The following HECW2 variants were observed in gnomAD, a reference collection of about 807,000 sequenced individuals.
The protein encoded by HECW2 is E3 ubiquitin-protein ligase HECW2.
Under a neutral mutation model 175.2 loss-of-function variants are expected in HECW2, and 61 were observed. The observed-to-expected ratio is 0.35, with a 90% confidence interval of 0.28 to 0.43. The LOEUF (loss-of-function observed/expected upper bound fraction) is 0.43. HECW2 is among the 20% of genes least tolerant of loss of function. HECW2 has a pLI of 1.00. For synonymous variants in HECW2, 671 were observed against 731.0 expected (o/e 0.92, Z 1.32); for missense variants, 1,524 against 2,000.5 (o/e 0.76, Z 4.54).
chr2:196,254,081 A>T (rs1344874899), intron 18 of HECW2, 52 bp from the exon 19 acceptor site: 1 of 1,605,150 alleles, frequency 6.2e-7, no homozygotes, highest in Non-Finnish European at 8.5e-7. Flanking sequence ...TAGTGGGGAA[A>T]AGCCTAAATC....
intron 24 of HECW2, 62 bp from the exon 25 acceptor site, chr2:196,221,003 ACT>A: frequency 1.9e-6 from 3 of 1,561,892 alleles, no homozygotes; most frequent in Non-Finnish European, 2.6e-6. Context: ...TAACAACATT[ACT>A]AGCATTGAGC....
intron 1 of HECW2, among the ~76,000 whole-genome samples, chr2:196,492,364 C>A (rs1264063858): frequency 1.3e-5 from 2 of 152,104 alleles, no homozygotes; most frequent in African/African-American, 4.8e-5. Context: ...CCTCCTGCCC[C>A]TCACTAAAAA....
intron 2 of HECW2, among the ~76,000 whole-genome samples, chr2:196,357,611 C>T (rs188478558): frequency 6.6e-5 from 10 of 152,292 alleles, no homozygotes; most frequent in African/African-American, 1.9e-4. Context: ...GGCTCTGTGT[C>T]CCTACCCAAA....
rs754361809 is a variant in HECW2 at position 196,318,799 on chromosome 2, C to T, written c.2091G>A (p.Ser697=). The change falls in exon 9 of 29, where the codon TCG becomes TCA. Residue 697 remains serine, a synonymous_variant. Transcript: ENST00000644978. ...AACCAGCAGTGCACACGGATTCCTG[C>T]GACCCTTCGGCAGGGCCACTGCTGG... ...EPTSSGPAEG[S]QESVCTAGSL... 3.8e-5 allele frequency: 58 copies of T among 1,527,278 alleles called. No homozygotes were observed. The highest frequency in any genetic ancestry group is 4.8e-5 in the Non-Finnish European group (55 of 1,136,224). The allele number at this position is 1,527,278 out of a possible 1,614,324, so 94.6% of individuals were successfully genotyped here.
intron 1 of HECW2, among the ~76,000 whole-genome samples, chr2:196,536,577 C>T (rs1261781890): frequency 5.3e-5 from 8 of 152,186 alleles, no homozygotes; most frequent in African/African-American, 1.9e-4. Flanking sequence ...AACTTTTGTT[C>T]CCGATAACCA....
At chr2:196,489,511 A>G (rs897252992) in intron 1 of HECW2, among the ~76,000 whole-genome samples, 1 of 152,192 alleles carries the variant, frequency 6.6e-6, no homozygotes, top group African/African-American at 2.4e-5. Flanking sequence ...AAAGTCCCAC[A>G]GGGTTAACAT....
At chr2:196,245,961 C>G (rs1339142985) in intron 19 of HECW2, among the ~76,000 whole-genome samples, 1 of 152,174 alleles carries the variant, frequency 6.6e-6, no homozygotes, top group African/African-American at 2.4e-5. Flanking sequence ...GGGACCCAGG[C>G]ATGAGTGTTA....
In HECW2 at chr2:196,319,787, G is replaced by C; in HGVS notation, c.1103C>G (p.Ser368Cys). 1 of 1,614,204 alleles carries C rather than the reference G, an allele frequency of 6.2e-7. No individual in the cohort carries two copies. The highest frequency in any genetic ancestry group is 1.1e-5 in the South Asian group (1 of 91,082). ...PGSHHDSQVC[S>C]NGPVSEDSAA... ...ACTGTCCTCAGAAACTGGCCCATTA[G>C]AGCACACCTGGCTGTCGTGATGGCT... Residue 368 changes from serine to cysteine, a missense_variant, in exon 9 of 29, where the codon TCT becomes TGT. By Grantham distance (112) the Ser-to-Cys change is moderately radical (BLOSUM62 -1). Transcript: ENST00000644978.
chr2:196,234,108 CTCAT>C (rs1240002578), intron 21 of HECW2, among the ~76,000 whole-genome samples: 1 of 152,194 alleles, frequency 6.6e-6, no homozygotes, highest in African/African-American at 2.4e-5. Flanking sequence ...ACATAATAAA[CTCAT>C]TCTTTCTTAA....
intron 2 of HECW2, among the ~76,000 whole-genome samples, chr2:196,395,797 C>T (rs1356141815): frequency 6.6e-6 from 1 of 151,690 alleles, no homozygotes; most frequent in East Asian, 1.9e-4. Context: ...TGAAATGGTG[C>T]AGCTGCTATG....
chr2:196,386,609 C>A (rs1260125569), intron 2 of HECW2, among the ~76,000 whole-genome samples: 1 of 152,158 alleles, frequency 6.6e-6, no homozygotes, highest in Non-Finnish European at 1.5e-5. Flanking sequence ...AGAAAAATAT[C>A]CTTGGCCTTC....
In HECW2 at chr2:196,396,443, C is replaced by T. The variant is rs183703822; in HGVS notation, c.292+36689G>A. 3.0e-4 allele frequency among the ~76,000 whole-genome samples: 46 copies of T among 152,250 alleles called. 1 individual carries two copies. In the Middle Eastern group the frequency reaches 0.014, roughly 45 times the overall value. On this transcript the variant is annotated intron_variant, in intron 2 of 28. Coordinates refer to ENST00000644978, the MANE Select transcript of HECW2 (RefSeq NM_001348768.2). The stretch of plus-strand genomic sequence containing the variant: ...TCACATAGAGAAAAGTTCACAAGTG[C>T]CATTTTTACAGATTCCCTGAACACC...
intron 19 of HECW2, among the ~76,000 whole-genome samples, chr2:196,248,792 C>T (rs557612399): frequency 6.6e-6 from 1 of 152,266 alleles, no homozygotes; most frequent in Non-Finnish European, 1.5e-5. Flanking sequence ...ATTAAGGGCA[C>T]ACAATGTGGT....
chr2:196,349,162 T>C (rs1401372928), intron 2 of HECW2, among the ~76,000 whole-genome samples: 2 of 152,180 alleles, frequency 1.3e-5, no homozygotes, highest in South Asian at 4.1e-4. Context: ...ACCTGTCAGC[T>C]TCCATGAGGC....
At chr2:196,544,163 C>T (rs185506916) in intron 1 of HECW2, among the ~76,000 whole-genome samples, 2 of 152,326 alleles carry the variant, frequency 1.3e-5, no homozygotes, top group Non-Finnish European at 2.9e-5. Context: ...GAAGAACTGA[C>T]ACAACTCCAC....
chr2:196,499,833 A>G (rs1687517491), intron 1 of HECW2, among the ~76,000 whole-genome samples: 1 of 152,194 alleles, frequency 6.6e-6, no homozygotes, highest in Non-Finnish European at 1.5e-5. Context: ...GTTCTTCCAG[A>G]AAGTTCTTTT....
chr2:196,235,962 G>A (rs111336483), intron 21 of HECW2, among the ~76,000 whole-genome samples: 4,537 of 152,020 alleles, frequency 0.03, 209 homozygotes, highest in African/African-American at 0.1. Context: ...CGGCCGATGC[G>A]TTATTCTTTA....
chr2:196,389,370 G>A (rs1694441404), intron 2 of HECW2, among the ~76,000 whole-genome samples: 1 of 152,180 alleles, frequency 6.6e-6, no homozygotes, highest in African/African-American at 2.4e-5. Context: ...GTTTTGAGGT[G>A]TTACTAGGAA....
intron 23 of HECW2, among the ~76,000 whole-genome samples, chr2:196,223,601 C>T (rs1169249611): frequency 1.3e-5 from 2 of 152,108 alleles, no homozygotes; most frequent in African/African-American, 2.4e-5. Flanking sequence ...AGGGAGCAGG[C>T]CTTAATATCA....
Sources: gnomAD v4.1 joint callset for allele counts (sites outside exome capture counted in the v4.1 genomes callset) on GRCh38, gnomAD v4.1.1 for gene constraint, MANE v1.5 for transcripts, NCBI Gene and HGNC (gene_info 2026-07-23, HGNC 2026-07-21) for gene names.